PDSS2: variants seen among roughly 807,000 people sequenced by gnomAD.
PDSS2 encodes the protein decaprenyl diphosphate synthase subunit 2, also known as all trans-polyprenyl-diphosphate synthase PDSS2.
In PDSS2, 31 loss-of-function variants were observed where a neutral mutation model predicts 44.5. The ratio of observed to expected loss-of-function variants is 0.70; its 90% CI spans 0.52 to 0.94. The LOEUF is 0.94. Ranked by LOEUF, PDSS2 falls within the 40% of genes least tolerant of loss-of-function variation. The pLI is 0.00. For missense variants in PDSS2, 452 were observed against 482.2 expected (o/e 0.94, Z 0.59); for synonymous variants, 157 against 180.3 (o/e 0.87, Z 1.03).
chr6:107,388,076 A>C (rs1292487832), intron 1 of PDSS2, among the ~76,000 whole-genome samples: 2 of 152,182 alleles, frequency 1.3e-5, no homozygotes, highest in African/African-American at 4.8e-5. Context: ...GGAAAACCCT[A>C]CCAATCAAAA....
At chr6:107,368,011 C>T (rs1473097492) in intron 1 of PDSS2, among the ~76,000 whole-genome samples, 1 of 151,884 alleles carries the variant, frequency 6.6e-6, no homozygotes, top group African/African-American at 2.4e-5. Flanking sequence ...TGGCTCACGC[C>T]CGTAATCCCA....
chr6:107,459,048 T>C lies in PDSS2; in HGVS notation c.238A>G (p.Ile80Val), dbSNP rs1465571083. Residue 80 changes from isoleucine (I) to valine (V), a missense_variant, in exon 1 of 8, where the codon ATC (isoleucine) becomes GTC (valine). By Grantham distance (29) the Ile-to-Val change is conservative (BLOSUM62 3). Coordinates refer to ENST00000369037, the MANE Select transcript of PDSS2 (RefSeq NM_020381.4). This position sits in a 1 kb window ranked among gnomAD's most constrained non-coding sequence, Gnocchi z 4.3. Reference protein sequence around the residue: ...RCLLSDELSNIAMQVRKLVGT... With the variant: ...RCLLSDELSNVAMQVRKLVGT... ...ACCAGCTTCCGCACCTGCATAGCGA[T>C]GTTGCTGAGCTCGTCGCTCAGCAGG... 7 of 1,613,914 alleles carry C rather than the reference T, an allele frequency of 4.3e-6. No individual in the cohort carries two copies. The highest frequency in any genetic ancestry group is 5.9e-6 in the Non-Finnish European group (7 of 1,179,982).
chr6:107,209,728 C>T (rs1385260068), intron 6 of PDSS2, among the ~76,000 whole-genome samples: 1 of 152,004 alleles, frequency 6.6e-6, no homozygotes, highest in Non-Finnish European at 1.5e-5. Context: ...ATGCTCTCTC[C>T]TTTAAGGATG....
At chr6:107,406,195 C>T (rs1007559472) in intron 1 of PDSS2, among the ~76,000 whole-genome samples, 1 of 152,256 alleles carries the variant, frequency 6.6e-6, no homozygotes, top group African/African-American at 2.4e-5. Flanking sequence ...AGGTATCCTA[C>T]CCAAACACAC....
At chr6:107,269,653 TTAG>T (rs565732332) in intron 3 of PDSS2, among the ~76,000 whole-genome samples, 4 of 151,988 alleles carry the variant, frequency 2.6e-5, no homozygotes, top group Non-Finnish European at 4.4e-5. Context: ...CCAATTATTA[TTAG>T]TAGTAGTAGT....
chr6:107,234,559 A>T (rs1012478764), intron 4 of PDSS2, among the ~76,000 whole-genome samples: 6 of 150,498 alleles, frequency 4.0e-5, no homozygotes, highest in African/African-American at 1.5e-4. Flanking sequence ...ATATTTGCCT[A>T]TCAGTCTACA....
At chr6:107,277,575 G>A (rs1334463109) in intron 2 of PDSS2, among the ~76,000 whole-genome samples, 1 of 151,790 alleles carries the variant, frequency 6.6e-6, no homozygotes, top group African/African-American at 2.4e-5. Flanking sequence ...GATATGGGGT[G>A]GGGGAGCTAT....
rs144630675 is a variant in PDSS2 at position 107,194,055 on chromosome 6, G to A, written c.1009-201C>T. On this transcript the variant is annotated intron_variant, in intron 6 of 7. Transcript: ENST00000369037. ...GTTAAACGAACAGATCACTGAGCAC[G>A]CATAGACACTACCTAGATCTGGCAG... Among the ~76,000 whole-genome samples, 466 of 152,196 alleles carry A rather than the reference G, an allele frequency of 3.1e-3. 2 individuals carry two copies. The highest frequency in any genetic ancestry group is 9.5e-3 in the African/African-American group (395 of 41,530).
intron 1 of PDSS2, among the ~76,000 whole-genome samples, chr6:107,343,090 G>T (rs1422887102): frequency 6.6e-6 from 1 of 152,136 alleles, no homozygotes; most frequent in Non-Finnish European, 1.5e-5. Context: ...TGCTGGGAAA[G>T]TGAGCCACCA....
chr6:107,245,504 C>G (rs187186862), intron 4 of PDSS2, 44 bp downstream of exon 4: 6 of 1,038,238 alleles, frequency 5.8e-6, no homozygotes, highest in Non-Finnish European at 8.8e-6. Flanking sequence ...AGTTGTACCA[C>G]GACGGTTTAT....
rs371933046 is a variant in PDSS2 at position 107,261,971 on chromosome 6, C to T, written c.630+12058G>A. 2.0e-4 allele frequency among the ~76,000 whole-genome samples: 28 copies of T among 137,114 alleles called. No individual in the cohort carries two copies. The East Asian group carries it at 4.7e-3, about 23-fold the overall frequency. 90.0% of individuals were successfully genotyped at this position (137,114 alleles called of 152,430 possible). A position where few individuals can be genotyped will look rare whatever the true frequency, so the allele number is the denominator to read the frequency against. On this transcript the variant is annotated intron_variant, in intron 3 of 7. Coordinates refer to ENST00000369037, the MANE Select transcript of PDSS2 (RefSeq NM_020381.4). ...TTGCCCAGGCTGGAGTGCAGTGGTG[C>T]GATCTTGGCTCACTCCAAGCTCCGC...
At chr6:107,299,390 T>C (rs1405084487) in intron 2 of PDSS2, among the ~76,000 whole-genome samples, 2 of 152,100 alleles carry the variant, frequency 1.3e-5, no homozygotes, top group African/African-American at 4.8e-5. Flanking sequence ...AGTTAAAAAA[T>C]GTTTTTAAAA....
chr6:107,264,373 GA>G (rs768619811), intron 3 of PDSS2: 1 of 1,537,756 alleles, frequency 6.5e-7, no homozygotes, highest in South Asian at 1.2e-5. Flanking sequence ...TGGTTATCCG[GA>G]AGTATAAATC....
intron 2 of PDSS2, among the ~76,000 whole-genome samples, chr6:107,333,449 A>C (rs920145949): frequency 1.5e-4 from 23 of 152,202 alleles, no homozygotes; most frequent in Admixed American, 1.2e-3. Flanking sequence ...GAGATGTAAA[A>C]ATTTTTTAAT....
chr6:107,245,568 G>T lies in PDSS2; in HGVS notation c.682C>A (p.His228Asn). The T allele has an allele frequency of 6.3e-7, 1 of 1,585,548 alleles. No individual in the cohort carries two copies. Among genetic ancestry groups the T allele is most frequent in the Non-Finnish European group, 8.6e-7 (1 of 1,157,804 alleles). Residue 228 changes from histidine (H) to asparagine (N), a missense_variant, in exon 4 of 8, where the codon CAT (histidine) becomes AAT (asparagine). Transcript: ENST00000369037. ...ALMDLVQGVY[H>N]ENSTSKESYI... The stretch of plus-strand genomic sequence containing the variant: ...TTTACCTTTGAAGTAGAATTTTCAT[G>T]ATATACTCCTTGTACCAAGTCCATA...
chr6:107,296,534 T>C (rs1359617517), intron 2 of PDSS2, among the ~76,000 whole-genome samples: 1 of 152,196 alleles, frequency 6.6e-6, no homozygotes, highest in Non-Finnish European at 1.5e-5. Flanking sequence ...GAGACCAGCC[T>C]GGCCAATATA....
intron 1 of PDSS2, among the ~76,000 whole-genome samples, chr6:107,378,004 T>A (rs1779340594): frequency 6.6e-6 from 1 of 151,162 alleles, no homozygotes; most frequent in African/African-American, 2.4e-5. Context: ...AACTGCACAT[T>A]GTGTACATGT....
intron 4 of PDSS2, 58 bp downstream of exon 4, chr6:107,245,490 T>C: frequency 2.3e-6 from 2 of 865,010 alleles, no homozygotes; most frequent in Non-Finnish European, 3.7e-6. Flanking sequence ...ATTTTCGTTA[T>C]TCTAGTTGTA....
intron 1 of PDSS2, among the ~76,000 whole-genome samples, chr6:107,419,891 C>A (rs777897860): frequency 1.3e-5 from 2 of 152,170 alleles, no homozygotes; most frequent in Non-Finnish European, 2.9e-5. Flanking sequence ...AGATTGATCT[C>A]CATAGCAACT....
Sources: allele counts gnomAD v4.1 joint callset (sites outside exome capture counted in the v4.1 genomes callset), GRCh38; gene constraint gnomAD v4.1.1; non-coding constraint Gnocchi (gnomAD v3.1); transcripts MANE v1.5; gene names NCBI Gene and HGNC (gene_info 2026-07-23, HGNC 2026-07-21).